CNTNAP2: variants seen among roughly 807,000 people sequenced by gnomAD.
CNTNAP2 encodes the protein contactin-associated protein-like 2.
CNTNAP2 carries 98 observed loss-of-function variants against 155.2 expected under a neutral mutation model. The observed-to-expected ratio is 0.63, with a 90% confidence interval of 0.54 to 0.75. The LOEUF (loss-of-function observed/expected upper bound fraction) is 0.75. Ranked by LOEUF, CNTNAP2 falls within the 30% of genes least tolerant of loss-of-function variation. The probability of loss-of-function intolerance (pLI) is 0.00; values close to 1 mark genes in which losing one functional copy is unlikely to be tolerated. For synonymous variants in CNTNAP2, 651 were observed against 631.2 expected (o/e 1.03, Z -0.47); for missense variants, 1,727 against 1,688.1 (o/e 1.02, Z -0.40).
intron 14 of CNTNAP2, among the ~76,000 whole-genome samples, chr7:147,915,437 C>T (rs142164021): frequency 9.0e-4 from 137 of 152,206 alleles, no homozygotes; most frequent in African/African-American, 3.0e-3. Flanking sequence ...TGGTCTTATT[C>T]GTGCATATTA....
intron 1 of CNTNAP2, among the ~76,000 whole-genome samples, chr7:146,390,604 TA>T (rs981852574): frequency 6.7e-6 from 1 of 149,898 alleles, no homozygotes; most frequent in African/African-American, 2.4e-5. Flanking sequence ...TTTCATGAAA[TA>T]AAAATATATA....
chr7:147,960,448 G>C (rs1276629099), intron 14 of CNTNAP2, among the ~76,000 whole-genome samples: 2 of 152,100 alleles, frequency 1.3e-5, no homozygotes, highest in African/African-American at 4.8e-5. Context: ...TGAAAGTTCA[G>C]GTATATTCAA....
intron 4 of CNTNAP2, among the ~76,000 whole-genome samples, chr7:147,060,863 CA>C (rs67473108): frequency 0.29 from 35,938 of 122,004 alleles, 4,371 homozygotes; most frequent in African/African-American, 0.37. Context: ...GACTCTGTCT[CA>C]AAAAAAAAAT....
intron 4 of CNTNAP2, among the ~76,000 whole-genome samples, chr7:147,101,399 C>G (rs1013418150): frequency 6.6e-6 from 1 of 152,142 alleles, no homozygotes; most frequent in Non-Finnish European, 1.5e-5. Flanking sequence ...TGAGCTGGAG[C>G]GAGCGCTTTT....
At chr7:147,778,920 A>T (rs1159315606) in intron 13 of CNTNAP2, among the ~76,000 whole-genome samples, 1 of 152,106 alleles carries the variant, frequency 6.6e-6, no homozygotes, top group African/African-American at 2.4e-5. Context: ...CTCTTATAGT[A>T]CTCTATGTGT....
At chr7:146,767,876 C>T in intron 1 of CNTNAP2, among the ~76,000 whole-genome samples, 1 of 152,014 alleles carries the variant, frequency 6.6e-6, no homozygotes, top group Non-Finnish European at 1.5e-5. Flanking sequence ...AAACAAGCTG[C>T]CCCAATTTAT....
At chr7:146,629,217 C>A (rs118038687) in intron 1 of CNTNAP2, among the ~76,000 whole-genome samples, 19 of 152,204 alleles carry the variant, frequency 1.2e-4, no homozygotes, top group Admixed American at 1.2e-3. Context: ...AGTCTGTCCC[C>A]TGGCAGTTAC....
chr7:146,414,512 C>G (rs995906630), intron 1 of CNTNAP2, among the ~76,000 whole-genome samples: 2 of 152,298 alleles, frequency 1.3e-5, no homozygotes, highest in Middle Eastern at 3.4e-3. Flanking sequence ...TACCCTGAGT[C>G]AGGGGAGACT....
intron 1 of CNTNAP2, among the ~76,000 whole-genome samples, chr7:146,545,113 A>G (rs1479007693): frequency 6.6e-6 from 1 of 151,850 alleles, no homozygotes; most frequent in Non-Finnish European, 1.5e-5. Flanking sequence ...GGGAGTATGG[A>G]AAGTCAATGA....
intron 9 of CNTNAP2, among the ~76,000 whole-genome samples, chr7:147,377,650 C>A (rs1265146029): frequency 6.6e-6 from 1 of 151,534 alleles, no homozygotes; most frequent in African/African-American, 2.4e-5. Flanking sequence ...CTGAAAATAT[C>A]TTAATTTTAC....
intron 13 of CNTNAP2, among the ~76,000 whole-genome samples, chr7:147,727,025 G>GTATATA (rs148335807): frequency 5.0e-4 from 75 of 149,958 alleles, no homozygotes; most frequent in African/African-American, 1.8e-3. Flanking sequence ...GTATATGTGT[G>GTATATA]TATATATATA....
intron 3 of CNTNAP2, among the ~76,000 whole-genome samples, chr7:146,875,644 A>T (rs1585133293): frequency 6.6e-6 from 1 of 150,724 alleles, no homozygotes; most frequent in African/African-American, 2.5e-5. Context: ...AAGGTGTAAA[A>T]CTACCTCCTA....
At chr7:148,095,032 G>C (rs887599027) in intron 15 of CNTNAP2, among the ~76,000 whole-genome samples, 1 of 152,170 alleles carries the variant, frequency 6.6e-6, no homozygotes, top group African/African-American at 2.4e-5. Context: ...GTAGAAAGAT[G>C]ATGAGAGAGA....
chr7:147,647,807 T>G (rs1795391851), intron 13 of CNTNAP2, among the ~76,000 whole-genome samples: 1 of 152,212 alleles, frequency 6.6e-6, no homozygotes, highest in Non-Finnish European at 1.5e-5. Context: ...AGAATCAGAT[T>G]AGGAAAGTCC....
chr7:146,802,662 A>G (rs939363941), intron 2 of CNTNAP2, among the ~76,000 whole-genome samples: 4 of 152,122 alleles, frequency 2.6e-5, no homozygotes, highest in Admixed American at 2.6e-4. Flanking sequence ...ATCCGCCATG[A>G]TTGTAAGTTT....
intron 9 of CNTNAP2, among the ~76,000 whole-genome samples, chr7:147,365,418 T>G (rs944308670): frequency 4.0e-5 from 6 of 148,428 alleles, no homozygotes; most frequent in African/African-American, 1.5e-4. Flanking sequence ...ACAAAGAAAC[T>G]TATATGAATA....
At chr7:146,771,165 A>G (rs978408106) in intron 1 of CNTNAP2, among the ~76,000 whole-genome samples, 1 of 152,158 alleles carries the variant, frequency 6.6e-6, no homozygotes, top group Non-Finnish European at 1.5e-5. Flanking sequence ...CCTTCTTAGT[A>G]TTAATTACCA....
chr7:147,698,469 A>G (rs1563056934), intron 13 of CNTNAP2, among the ~76,000 whole-genome samples: 1 of 152,196 alleles, frequency 6.6e-6, no homozygotes, highest in South Asian at 2.1e-4. Flanking sequence ...CCAACTGTCT[A>G]TTAAATATGA....
At chr7:148,285,612 G>A (rs368334183) in intron 21 of CNTNAP2, among the ~76,000 whole-genome samples, 1 of 152,258 alleles carries the variant, frequency 6.6e-6, no homozygotes, top group African/African-American at 2.4e-5. Flanking sequence ...TTGCAAGTAA[G>A]TGCCTACTTA....
Sources: allele counts gnomAD v4.1 joint callset (sites outside exome capture counted in the v4.1 genomes callset), GRCh38; gene constraint gnomAD v4.1.1; transcripts MANE v1.5; gene names NCBI Gene and HGNC (gene_info 2026-07-23, HGNC 2026-07-21).